The following JDP2 variants were observed in gnomAD, a reference collection of about 807,000 sequenced individuals.
JDP2 encodes the protein progesterone receptor co-activator.
In JDP2, 9 loss-of-function variants were observed where a neutral mutation model predicts 17.1. The ratio of observed to expected loss-of-function variants is 0.53; its 90% CI spans 0.32 to 0.92. The LOEUF (loss-of-function observed/expected upper bound fraction) is 0.92. Ranked by LOEUF, JDP2 falls within the 40% of genes least tolerant of loss-of-function variation. The pLI is 0.04. For missense variants in JDP2, 179 were observed against 220.0 expected (o/e 0.81, Z 1.18); for synonymous variants, 107 against 95.6 (o/e 1.12, Z -0.69).
At chr14:75,457,449 G>C (rs772241686) in intron 2 of JDP2, among the ~76,000 whole-genome samples, 3 of 152,254 alleles carry the variant, frequency 2.0e-5, no homozygotes, top group Non-Finnish European at 2.9e-5. Flanking sequence ...TGCCTGTCTT[G>C]TTTCTGGTAG....
In JDP2 at chr14:75,467,363, TG is replaced by T. The variant is rs3837651; in HGVS notation, c.307-1924del. ...GCCCTCTCTAAGGTCTTCTGAACCCTGGGTGGCTGTTGGTCACACAGTAGTA... is the reference window on the plus strand; with the variant it reads ...GCCCTCTCTAAGGTCTTCTGAACCCTGGTGGCTGTTGGTCACACAGTAGTA... On this transcript the variant is annotated intron_variant, in intron 3 of 3. Transcript: ENST00000651602. 6.5e-4 allele frequency among the ~76,000 whole-genome samples: 99 copies of T among 152,296 alleles called. No individual in the cohort carries two copies. In the East Asian group the frequency reaches 0.016, roughly 25 times the overall value.
Position 75,469,572 on chromosome 14 carries a change from C to A in JDP2, c.*97C>A. 9.5e-7 allele frequency: 1 copy of A among 1,056,784 alleles called. No individual in the cohort carries two copies. Among genetic ancestry groups the A allele is most frequent in the Non-Finnish European group, 1.4e-6 (1 of 731,282 alleles). 65.5% of individuals were successfully genotyped at this position (1,056,784 alleles called of 1,614,324 possible). A position where few individuals can be genotyped will look rare whatever the true frequency, so the allele number is the denominator to read the frequency against. ...GCCCCAGATGGCCCTTCCTTTGGTG[C>A]ATGAAAAACTGTACAATGAGGTTCA... On this transcript the variant is annotated 3_prime_UTR_variant, in exon 4 of 4. Transcript: ENST00000651602.
At chr14:75,455,995 C>T (rs1886087405) in intron 2 of JDP2, among the ~76,000 whole-genome samples, 1 of 152,142 alleles carries the variant, frequency 6.6e-6, no homozygotes, top group African/African-American at 2.4e-5. Flanking sequence ...TGGGATTTCA[C>T]CCCTGGTCAC....
chr14:75,430,833 T>G lies in JDP2; in HGVS notation c.-24+2581T>G, dbSNP rs1400647775. ...TCTTGTGTGTGTGTGTGGTTTGGCCTCTCGGAACTCAGCAGAGACAAATGC... is the reference window on the plus strand; with the variant it reads ...TCTTGTGTGTGTGTGTGGTTTGGCCGCTCGGAACTCAGCAGAGACAAATGC... On this transcript the variant is annotated intron_variant, in intron 1 of 3. Coordinates refer to ENST00000651602, the MANE Select transcript of JDP2 (RefSeq NM_001135048.2). This position sits in a 1 kb window ranked among gnomAD's most constrained non-coding sequence, Gnocchi z 4.5. Among the ~76,000 whole-genome samples the G allele has an allele frequency of 6.6e-6, 1 of 152,134 alleles. No homozygotes were observed. Among genetic ancestry groups the G allele is most frequent in the African/African-American group, 2.4e-5 (1 of 41,414 alleles).
chr14:75,438,958 G>GC (rs1383097790), intron 2 of JDP2, among the ~76,000 whole-genome samples: 8 of 152,196 alleles, frequency 5.3e-5, no homozygotes, highest in Non-Finnish European at 1.2e-4. Context: ...CAGAGTAGCT[G>GC]CCCCCTGGAA....
chr14:75,430,183 G>A lies in JDP2; in HGVS notation c.-24+1931G>A, dbSNP rs1884731212. On this transcript the variant is annotated intron_variant, in intron 1 of 3. Coordinates refer to ENST00000651602, the MANE Select transcript of JDP2 (RefSeq NM_001135048.2). This position sits in a 1 kb window ranked among gnomAD's most constrained non-coding sequence, Gnocchi z 4.5. ...TTTTTTCCAACCTGCAGAATCCCTG[G>A]CAGGAATAGGCTCTCTGGGCCTTGT... 6.6e-6 allele frequency among the ~76,000 whole-genome samples: 1 copy of A among 152,142 alleles called. No homozygotes were observed.
Position 75,469,593 on chromosome 14 carries a change from GT to G in JDP2, c.*120del. On this transcript the variant is annotated 3_prime_UTR_variant, in exon 4 of 4. Coordinates refer to ENST00000651602, the MANE Select transcript of JDP2 (RefSeq NM_001135048.2). ...GGTGCATGAAAAACTGTACAATGAGGTTCAGCACAGCCAGCATCAGCCGAGC... is the reference window on the plus strand; with the variant it reads ...GGTGCATGAAAAACTGTACAATGAGGTCAGCACAGCCAGCATCAGCCGAGC... The G allele has an allele frequency of 1.2e-6, 1 of 841,558 alleles. No homozygotes were observed. The highest frequency in any genetic ancestry group is 1.8e-6 in the Non-Finnish European group (1 of 549,806). 52.1% of individuals were successfully genotyped at this position (841,558 alleles called of 1,614,324 possible). A position where few individuals can be genotyped will look rare whatever the true frequency, so the allele number is the denominator to read the frequency against.
At chr14:75,465,652 A>G (rs1350029994) in intron 3 of JDP2, among the ~76,000 whole-genome samples, 1 of 152,210 alleles carries the variant, frequency 6.6e-6, no homozygotes, top group Non-Finnish European at 1.5e-5. Context: ...CTTAATGCTT[A>G]AAGTCCCCTG....
At chr14:75,448,407 T>TG (rs1885704603) in intron 2 of JDP2, among the ~76,000 whole-genome samples, 1 of 152,222 alleles carries the variant, frequency 6.6e-6, no homozygotes, top group Non-Finnish European at 1.5e-5. Flanking sequence ...TGATGCTCTC[T>TG]GCACATGTAG....
chr14:75,461,509 G>A lies in JDP2; in HGVS notation c.285G>A (p.Glu95=). Residue 95 remains glutamate (E), a synonymous_variant, in exon 3 of 4, where the codon GAG becomes GAA. Coordinates refer to ENST00000651602, the MANE Select transcript of JDP2 (RefSeq NM_001135048.2). ...CCCGATGCCGGAACAAGAAGAAGGA[G>A]CGCACGGAGTTTCTGCAGCGGGTGA... ...AAARCRNKKK[E]RTEFLQRESE... 1 of 1,607,662 alleles carries A rather than the reference G, an allele frequency of 6.2e-7. No homozygotes were observed. The highest frequency in any genetic ancestry group is 8.5e-7 in the Non-Finnish European group (1 of 1,178,240).
In JDP2 at chr14:75,430,674, G is replaced by A. The variant is rs1183111363; in HGVS notation, c.-24+2422G>A. Among the ~76,000 whole-genome samples the A allele has an allele frequency of 2.0e-5, 3 of 152,116 alleles. No homozygotes were observed. The highest frequency in any genetic ancestry group is 4.4e-5 in the Non-Finnish European group (3 of 68,026). Reference sequence around the variant, plus strand: ...GCAGCGTATGGTGGCCAATGAAACCGGGCCTGGCTCATTCTGTTGCTTGTC... The same window carrying A: ...GCAGCGTATGGTGGCCAATGAAACCAGGCCTGGCTCATTCTGTTGCTTGTC... On this transcript the variant is annotated intron_variant, in intron 1 of 3. Transcript: ENST00000651602. The surrounding 1 kb of genome is among the most constrained non-coding windows in gnomAD (Gnocchi z 4.5).
At position 75,473,927 on chromosome 14, in the gene JDP2, A is replaced by T. The variant is rs1886862757; in HGVS notation, c.*4452A>T. ...GGATGCCACTGCAAGGGTAAGTAGG[A>T]CGCTGGACTTCAACTTCAACTATAC... On this transcript the variant is annotated 3_prime_UTR_variant, in exon 4 of 4. Coordinates refer to ENST00000651602, the MANE Select transcript of JDP2 (RefSeq NM_001135048.2). 6.6e-6 allele frequency: 1 copy of T among 152,246 alleles called. No individual in the cohort carries two copies. Among genetic ancestry groups the T allele is most frequent in the Non-Finnish European group, 1.5e-5 (1 of 68,060 alleles). The allele number at this position is 152,246 out of a possible 1,614,324, so 9.4% of individuals were successfully genotyped here.
intron 2 of JDP2, among the ~76,000 whole-genome samples, chr14:75,450,458 A>G (rs1885796303): frequency 6.6e-6 from 1 of 152,198 alleles, no homozygotes; most frequent in African/African-American, 2.4e-5. Flanking sequence ...TGCTGTGCAC[A>G]CAGGGCAATG....
chr14:75,468,246 T>C (rs1886655327), intron 3 of JDP2, among the ~76,000 whole-genome samples: 2 of 152,172 alleles, frequency 1.3e-5, no homozygotes, highest in Non-Finnish European at 1.5e-5. Flanking sequence ...GAAGGGTGTT[T>C]AGAGCATCTC....
At chr14:75,446,852 A>T (rs948869044) in intron 2 of JDP2, among the ~76,000 whole-genome samples, 1 of 152,202 alleles carries the variant, frequency 6.6e-6, no homozygotes, top group Admixed American at 6.5e-5. Context: ...ATGGAGAATA[A>T]TAATATCTGC....
chr14:75,429,702 T>C (rs1312300604), intron 1 of JDP2, among the ~76,000 whole-genome samples: 1 of 152,164 alleles, frequency 6.6e-6, no homozygotes, highest in Non-Finnish European at 1.5e-5. Flanking sequence ...AACCTGAGGA[T>C]CGAGGAAGAG....
At chr14:75,453,617 G>A (rs948525688) in intron 2 of JDP2, among the ~76,000 whole-genome samples, 1 of 152,198 alleles carries the variant, frequency 6.6e-6, no homozygotes, top group Non-Finnish European at 1.5e-5. Flanking sequence ...TACCATGTGC[G>A]GCAGGGCTCA....
At chr14:75,459,656 C>T (rs753915765) in intron 2 of JDP2, among the ~76,000 whole-genome samples, 6 of 152,186 alleles carry the variant, frequency 3.9e-5, no homozygotes, top group Non-Finnish European at 7.4e-5. Context: ...CCTTGGGCTG[C>T]CAGAGTCACC....
chr14:75,439,011 G>A (rs1885210989), intron 2 of JDP2, among the ~76,000 whole-genome samples: 1 of 152,246 alleles, frequency 6.6e-6, no homozygotes, highest in African/African-American at 2.4e-5. Context: ...GCTGGGATCG[G>A]GAGGGCGCAG....
Sources: gnomAD v4.1 joint callset for allele counts (sites outside exome capture counted in the v4.1 genomes callset) on GRCh38, gnomAD v4.1.1 for gene constraint, Gnocchi (gnomAD v3.1) non-coding constraint, MANE v1.5 for transcripts, NCBI Gene and HGNC (gene_info 2026-07-23, HGNC 2026-07-21) for gene names.